The following MYBBP1A variants were observed in gnomAD, a reference collection of about 807,000 sequenced individuals.
MYBBP1A encodes MYB binding protein 1a.
A neutral mutation model predicts 136.3 loss-of-function variants in MYBBP1A; 147 were observed. That is an observed-to-expected ratio of 1.08 (90% CI 0.94 to 1.24). MYBBP1A has a LOEUF of 1.24. Among genes scored for constraint, MYBBP1A ranks in the 50% most tolerant of loss-of-function variants. The pLI is 0.00. For synonymous variants in MYBBP1A, 947 were observed against 735.8 expected, an observed-to-expected ratio of 1.29 and a Z score of -4.65; for missense variants, 2,060 against 1,727.4, an observed-to-expected ratio of 1.19 and a Z score of -3.41.
intron 2 of MYBBP1A, among the ~76,000 whole-genome samples, chr17:4,554,614 C>G (rs907623314): frequency 1.3e-5 from 2 of 152,224 alleles, no homozygotes; most frequent in Non-Finnish European, 2.9e-5. Context: ...GCGCTCACTG[C>G]TCCCAGAAAG....
Position 4,539,233 on chromosome 17 carries a change from C to T in MYBBP1A, c.*182G>A, listed in dbSNP as rs1009753918. 1.2e-5 allele frequency: 17 copies of T among 1,470,752 alleles called. No homozygotes were observed. The Admixed American group carries it at 2.1e-4, about 18-fold the overall frequency. The allele number at this position is 1,470,752 out of a possible 1,614,324, so 91.1% of individuals were successfully genotyped here. ...AGGTCTCTGCACCCTGGGACCCCTG[C>T]AGGAATGGCTCAGGCTGTGCTTGCC... On this transcript the variant is annotated 3_prime_UTR_variant, in exon 26 of 26. Coordinates refer to ENST00000254718, the MANE Select transcript of MYBBP1A (RefSeq NM_014520.4).
In MYBBP1A at chr17:4,551,888, T is replaced by C. The variant is rs1275864896; in HGVS notation, c.1015A>G (p.Thr339Ala). Reference protein sequence around the residue: ...VIRHYGEHVCTAKLPKQFKFA... With the variant: ...VIRHYGEHVCAAKLPKQFKFA... ...GCACGGGCATTACCCACCTTAGCAG[T>C]GCACACGTGCTCCCCGTAATGGCGG... is the stretch of plus-strand genomic sequence containing the variant. The change falls in exon 8 of 26, where the codon ACT becomes GCT. Residue 339 changes from threonine (T) to alanine (A), a missense_variant. Transcript: ENST00000254718. 3.1e-6 allele frequency: 5 copies of C among 1,613,190 alleles called. No individual in the cohort carries two copies. The highest frequency in any genetic ancestry group is 4.2e-6 in the Non-Finnish European group (5 of 1,179,746).
chr17:4,553,858 G>A lies in MYBBP1A; in HGVS notation c.513C>T (p.Asn171=), dbSNP rs1907763211. Reference sequence around the variant, plus strand: ...CCTTCCGGGGCTGCTCCTGCAAGTGGTTTTGGTACTGGGCCAGGGCCTGCA... The same window carrying A: ...CCTTCCGGGGCTGCTCCTGCAAGTGATTTTGGTACTGGGCCAGGGCCTGCA... ...KLLQALAQYQ[N]HLQEQPRKAL... is the part of the protein sequence containing the mutation. Residue 171 remains asparagine, a synonymous_variant, in exon 5 of 26, where the codon AAC becomes AAT. Transcript: ENST00000254718. 6.2e-7 allele frequency: 1 copy of A among 1,614,064 alleles called. No individual in the cohort carries two copies. Among genetic ancestry groups the A allele is most frequent in the Non-Finnish European group, 8.5e-7 (1 of 1,180,026 alleles).
In MYBBP1A at chr17:4,552,249, CCTT is replaced by C. The variant is rs1482268553; in HGVS notation, c.778_780del (p.Lys260del). ...AGAGCAATGGCGGGCAGCTTGCGGTCCTTCTTCACAGAGGAGGCGGCCATCTTC... is the reference window on the plus strand; with the variant it reads ...AGAGCAATGGCGGGCAGCTTGCGGTCCTTCACAGAGGAGGCGGCCATCTTC... On this transcript the variant is annotated inframe_deletion, in exon 7 of 26. Coordinates refer to ENST00000254718, the MANE Select transcript of MYBBP1A (RefSeq NM_014520.4). The surrounding 1 kb of genome is among the most constrained non-coding windows in gnomAD (Gnocchi z 4.7). The C allele has an allele frequency of 6.2e-7, 1 of 1,614,076 alleles. No homozygotes were observed. The highest frequency in any genetic ancestry group is 1.3e-5 in the African/African-American group (1 of 74,950).
Position 4,548,727 on chromosome 17 carries a change from C to CGAG in MYBBP1A, c.1431-81_1431-79dup, listed in dbSNP as rs1907231290. The CGAG allele has an allele frequency of 2.5e-6, 4 of 1,589,340 alleles. No homozygotes were observed. In the East Asian group the frequency reaches 9.0e-5, roughly 36 times the overall value. Reference sequence around the variant, plus strand: ...GGCTCCCCTCCTTGGATGGTACCACCGAGGGTACAAGGCCAGGAGGAGGAG... The same window carrying CGAG: ...GGCTCCCCTCCTTGGATGGTACCACCGAGGAGGGTACAAGGCCAGGAGGAGGAG... On this transcript the variant is annotated intron_variant, in intron 10 of 25. Coordinates refer to ENST00000254718, the MANE Select transcript of MYBBP1A (RefSeq NM_014520.4). The surrounding 1 kb of genome is among the most constrained non-coding windows in gnomAD (Gnocchi z 4.2).
chr17:4,539,372 C>T lies in MYBBP1A; in HGVS notation c.*43G>A. On this transcript the variant is annotated 3_prime_UTR_variant, in exon 26 of 26. Transcript: ENST00000254718. ...AAAAAAAAAAAAAAAATAGGCGTCT[C>T]AGGCAGATGGAGGCAGGGGCTGAGG... 1.3e-6 allele frequency: 2 copies of T among 1,527,716 alleles called. No homozygotes were observed. The allele number at this position is 1,527,716 out of a possible 1,614,324, so 94.6% of individuals were successfully genotyped here.
intron 19 of MYBBP1A, among the ~76,000 whole-genome samples, chr17:4,543,467 G>C (rs1299278224): frequency 6.6e-6 from 1 of 152,136 alleles, no homozygotes; most frequent in East Asian, 1.9e-4. Context: ...GTCTCTCATG[G>C]GGCAGTGGCC....
rs775952895 is a variant in MYBBP1A, at chr17:4,554,293, G to A, written c.295-15C>T. 38 of 1,612,282 alleles carry A rather than the reference G, an allele frequency of 2.4e-5. No individual in the cohort carries two copies. Among genetic ancestry groups the A allele is most frequent in the African/African-American group, 5.3e-5 (4 of 74,882 alleles). On this transcript the variant is annotated splice_polypyrimidine_tract_variant and intron_variant, in intron 2 of 25. Transcript: ENST00000254718. ...GACTGTAACAGCTGCCAGGAGTTGT[G>A]TGGCAGGAGGAAGAGGGTTCAGGAG...
rs771084817 is a variant in MYBBP1A at position 4,542,698 on chromosome 17, G to A, written c.2936C>T (p.Ser979Leu). The A allele has an allele frequency of 2.1e-5, 34 of 1,613,906 alleles. 1 individual carries two copies. The South Asian group carries it at 3.1e-4, about 15-fold the overall frequency. The change falls in exon 21 of 26, where the codon TCG becomes TTG. Residue 979 changes from serine to leucine, a missense_variant. By Grantham distance (145) the Ser-to-Leu change is moderately radical. Transcript: ENST00000254718. Reference protein sequence around the residue: ...LDLNLVTRVYSTALSSFLTKR... With the variant: ...LDLNLVTRVYLTALSSFLTKR... ...GGTCAGGAAGGAGCTCAGTGCTGTC[G>A]AGTACACCCGGGTCACCAGGTTCAA...
chr17:4,546,008 G>A, intron 13 of MYBBP1A, 66 bp from the exon 14 acceptor site: 1 of 1,480,142 alleles, frequency 6.8e-7, no homozygotes, highest in Non-Finnish European at 9.3e-7. Context: ...ACCAGGCAAG[G>A]GGCTGGCCAA....
intron 5 of MYBBP1A, 105 bp downstream of exon 5, chr17:4,553,705 C>T: frequency 1.2e-6 from 1 of 807,852 alleles, no homozygotes; most frequent in Non-Finnish European, 2.0e-6. Flanking sequence ...AATTATACAT[C>T]TTTGTATTTC....
In MYBBP1A at chr17:4,548,058, C is replaced by T; in HGVS notation, c.1725-1G>A. 1.3e-6 allele frequency: 2 copies of T among 1,580,184 alleles called. No individual in the cohort carries two copies. Among genetic ancestry groups the T allele is most frequent in the Non-Finnish European group, 8.6e-7 (1 of 1,164,352 alleles). On this transcript the variant is annotated splice_acceptor_variant, in intron 12 of 25. Transcript: ENST00000254718. LOFTEE classifies it high-confidence loss of function. The surrounding 1 kb of genome is among the most constrained non-coding windows in gnomAD (Gnocchi z 4.2). ...CAGCTCCTTCAGAGTCTGCAGCATC[C>T]TGCGGGGAGACAGGCGATTCCCAGG...
Position 4,547,920 on chromosome 17 carries a change from CCCCAGGCTCACAGCCCCTCCCT to C in MYBBP1A, c.1824+16_1824+37del. On this transcript the variant is annotated intron_variant, in intron 13 of 25. Transcript: ENST00000254718. Reference sequence around the variant, plus strand: ...GTAGGGGGCCCATTGTGCCATAGAACCCCAGGCTCACAGCCCCTCCCTCCCAGGCCCCAGTACCTTGAGGAGG... The same window carrying C: ...GTAGGGGGCCCATTGTGCCATAGAACCCCAGGCCCCAGTACCTTGAGGAGG... The C allele has an allele frequency of 7.0e-7, 1 of 1,431,490 alleles. No individual in the cohort carries two copies. The highest frequency in any genetic ancestry group is 2.4e-4 in the Middle Eastern group (1 of 4,108). 88.7% of individuals were successfully genotyped at this position (1,431,490 alleles called of 1,614,324 possible).
chr17:4,543,336 C>T, intron 19 of MYBBP1A, 171 bp from the exon 20 acceptor site: 1 of 868,154 alleles, frequency 1.2e-6, no homozygotes, highest in Middle Eastern at 3.4e-4. Context: ...TGCCTGGAAG[C>T]TGTGTGGGCT....
intron 8 of MYBBP1A, among the ~76,000 whole-genome samples, chr17:4,551,654 A>G (rs982749219): frequency 6.6e-6 from 1 of 152,156 alleles, no homozygotes; most frequent in Non-Finnish European, 1.5e-5. Context: ...GGTTGCAGTG[A>G]GCCAAGATCT....
At chr17:4,549,301 T>TG (rs1567611124) in intron 10 of MYBBP1A, 31 bp downstream of exon 10, 2 of 1,597,704 alleles carry the variant, frequency 1.3e-6, no homozygotes, top group Non-Finnish European at 1.7e-6. Flanking sequence ...CACACGCCCA[T>TG]GGGAAGCTGG....
At chr17:4,554,468 C>T (rs563349095) in intron 2 of MYBBP1A, among the ~76,000 whole-genome samples, 190 bp from the exon 3 acceptor site, 16 of 152,264 alleles carry the variant, frequency 1.1e-4, no homozygotes, top group African/African-American at 3.6e-4. Flanking sequence ...GTCTTCTCTC[C>T]GCACGTGGTC....
At position 4,544,520 on chromosome 17, in the gene MYBBP1A, CCTGCTCCTGTTTGGAG is replaced by C; in HGVS notation, c.2592_2607del (p.Ser864ArgfsTer66). 6.4e-7 allele frequency: 1 copy of C among 1,553,640 alleles called. No homozygotes were observed. The highest frequency in any genetic ancestry group is 8.7e-7 in the Non-Finnish European group (1 of 1,149,154). Reference sequence around the variant, plus strand: ...ATGCGCGCCGTCTTGTGCAGAAGGTCCTGCTCCTGTTTGGAGCTGCTGCTGCGCAGGCTGCGCCGGA... The same window carrying C: ...ATGCGCGCCGTCTTGTGCAGAAGGTCCTGCTGCTGCGCAGGCTGCGCCGGA... On this transcript the variant is annotated frameshift_variant, in exon 19 of 26. Transcript: ENST00000254718. LOFTEE classifies it high-confidence loss of function.
At position 4,552,716 on chromosome 17, in the gene MYBBP1A, G is replaced by C; in HGVS notation, c.562-90C>G. 3 of 1,268,092 alleles carry C rather than the reference G, an allele frequency of 2.4e-6. No individual in the cohort carries two copies. The highest frequency in any genetic ancestry group is 3.3e-6 in the Non-Finnish European group (3 of 914,834). 78.6% of individuals were successfully genotyped at this position (1,268,092 alleles called of 1,614,324 possible). A position where few individuals can be genotyped will look rare whatever the true frequency, so the allele number is the denominator to read the frequency against. On this transcript the variant is annotated intron_variant, in intron 5 of 25. Coordinates refer to ENST00000254718, the MANE Select transcript of MYBBP1A (RefSeq NM_014520.4). This position sits in a 1 kb window ranked among gnomAD's most constrained non-coding sequence, Gnocchi z 4.7. Reference sequence around the variant, plus strand: ...ACCTGCTCCTGACACGGGGCCACCTGGTGAGGTATCAGAGTCATCAGAGGC... The same window carrying C: ...ACCTGCTCCTGACACGGGGCCACCTCGTGAGGTATCAGAGTCATCAGAGGC...
Sources: allele counts gnomAD v4.1 joint callset (sites outside exome capture counted in the v4.1 genomes callset), GRCh38; gene constraint gnomAD v4.1.1; non-coding constraint Gnocchi (gnomAD v3.1); transcripts MANE v1.5; gene names NCBI Gene and HGNC (gene_info 2026-07-23, HGNC 2026-07-21).